SV2C: variants seen among roughly 807,000 people sequenced by gnomAD.
SV2C encodes the protein synaptic vesicle glycoprotein 2C, also known as solute carrier family 22 member B3.
SV2C carries 49 observed loss-of-function variants against 79.7 expected under a neutral mutation model. The ratio of observed to expected loss-of-function variants is 0.61; its 90% CI spans 0.49 to 0.78. The LOEUF (loss-of-function observed/expected upper bound fraction) is 0.78. Ranked by LOEUF, SV2C falls within the 30% of genes least tolerant of loss-of-function variation. SV2C has a pLI of 0.00. For synonymous variants in SV2C, 334 were observed against 333.2 expected (o/e 1.00, Z -0.03); for missense variants, 833 against 912.9 (o/e 0.91, Z 1.13).
At chr5:76,160,952 A>G (rs1742881484) in intron 2 of SV2C, among the ~76,000 whole-genome samples, 1 of 71,928 alleles carries the variant, frequency 1.4e-5, no homozygotes, top group Admixed American at 1.5e-4. Context: ...TGGTGTGACC[A>G]CTTTGGAAAA....
At chr5:76,030,521 G>C in the SV2C span, among the ~76,000 whole-genome samples, 1 of 151,986 alleles carries the variant, frequency 6.6e-6, no homozygotes, top group African/African-American at 2.4e-5. Flanking sequence ...ATAGAAGTAA[G>C]TAATGCTGAT....
At chr5:76,197,264 T>C (rs1425612601) in intron 3 of SV2C, among the ~76,000 whole-genome samples, 1 of 152,218 alleles carries the variant, frequency 6.6e-6, no homozygotes, top group East Asian at 1.9e-4. Context: ...TGGCATTTCT[T>C]ATCTCCTTTG....
chr5:76,143,391 G>A (rs934182118), intron 2 of SV2C, among the ~76,000 whole-genome samples: 4 of 152,140 alleles, frequency 2.6e-5, no homozygotes, highest in South Asian at 2.1e-4. Flanking sequence ...ATTCTCCCAC[G>A]TCCAACTCTA....
the SV2C span, among the ~76,000 whole-genome samples, chr5:76,020,647 A>C: frequency 6.6e-6 from 1 of 152,082 alleles, no homozygotes; most frequent in Non-Finnish European, 1.5e-5. Flanking sequence ...TTGGAGTGTG[A>C]CTACGAAACA....
intron 2 of SV2C, among the ~76,000 whole-genome samples, chr5:76,193,181 C>T (rs1437313568): frequency 1.3e-5 from 2 of 152,186 alleles, no homozygotes; most frequent in Non-Finnish European, 2.9e-5. Context: ...CATGAGTTTA[C>T]ACTTTGTTCT....
intron 4 of SV2C, among the ~76,000 whole-genome samples, chr5:76,269,230 A>G (rs966881564): frequency 6.6e-6 from 1 of 152,242 alleles, no homozygotes; most frequent in Admixed American, 6.5e-5. Flanking sequence ...GGTCATAACA[A>G]TTAAAAATGT....
chr5:75,857,491 A>G, the SV2C span, among the ~76,000 whole-genome samples: 5 of 152,130 alleles, frequency 3.3e-5, no homozygotes, highest in East Asian at 5.8e-4. Context: ...TGCAATTACC[A>G]TGTTGTTTTG....
chr5:76,051,687 A>G, the SV2C span, among the ~76,000 whole-genome samples: 3 of 152,226 alleles, frequency 2.0e-5, no homozygotes, highest in East Asian at 5.8e-4. Flanking sequence ...ACTTTCATAA[A>G]TTCATAAAAA....
rs376182721 is a variant in SV2C, at chr5:76,278,554, G to T, written c.914-6608G>T. Among the ~76,000 whole-genome samples the T allele has an allele frequency of 3.3e-5, 5 of 152,326 alleles. No individual in the cohort carries two copies. The East Asian group carries it at 5.8e-4, about 18-fold the overall frequency. On this transcript the variant is annotated intron_variant, in intron 4 of 12. Coordinates refer to ENST00000502798, the MANE Select transcript of SV2C (RefSeq NM_014979.4). ...CTCACTTCAAAACTCAGAAAGCCTG[G>T]CTAAAATACAACAAACATCCTTTCT... is the stretch of plus-strand genomic sequence containing the variant.
intron 4 of SV2C, among the ~76,000 whole-genome samples, chr5:76,272,804 T>G (rs1055897301): frequency 7.2e-5 from 11 of 152,174 alleles, no homozygotes; most frequent in African/African-American, 2.7e-4. Flanking sequence ...TACTTTTGTT[T>G]GTTTTTCAGT....
At chr5:76,220,617 TA>T (rs5868813) in intron 4 of SV2C, among the ~76,000 whole-genome samples, 19,525 of 127,520 alleles carry the variant, frequency 0.15, 1,920 homozygotes, top group African/African-American at 0.31. Flanking sequence ...GACACTGTCT[TA>T]AAAAAAAAAA....
chr5:75,896,540 T>C, the SV2C span, among the ~76,000 whole-genome samples: 2 of 152,094 alleles, frequency 1.3e-5, no homozygotes, highest in East Asian at 1.9e-4. Flanking sequence ...GCATGTGTCT[T>C]TACAACAGCA....
the SV2C span, among the ~76,000 whole-genome samples, chr5:75,859,619 C>T: frequency 6.6e-6 from 1 of 152,102 alleles, no homozygotes; most frequent in Admixed American, 6.5e-5. Flanking sequence ...AGAAAAGTCT[C>T]CTTATTGCCT....
chr5:76,017,542 G>A, the SV2C span, among the ~76,000 whole-genome samples: 5 of 152,126 alleles, frequency 3.3e-5, no homozygotes, highest in African/African-American at 1.2e-4. Context: ...GCCTCCCAAA[G>A]TGCTGGGATT....
chr5:75,873,936 C>G, the SV2C span, among the ~76,000 whole-genome samples: 1 of 151,940 alleles, frequency 6.6e-6, no homozygotes, highest in African/African-American at 2.4e-5. Context: ...CAAAAAAAGC[C>G]CGAGACCTGA....
chr5:76,292,836 A>ATG (rs1201408225), intron 8 of SV2C, among the ~76,000 whole-genome samples: 1 of 152,232 alleles, frequency 6.6e-6, no homozygotes, highest in Non-Finnish European at 1.5e-5. Flanking sequence ...TCACTTTAGA[A>ATG]TGTGTGTGTA....
At chr5:75,876,976 A>G in the SV2C span, among the ~76,000 whole-genome samples, 1,513 of 152,250 alleles carry the variant, frequency 9.9e-3, 22 homozygotes, top group African/African-American at 0.035. Context: ...TGAATGGATT[A>G]TATCACCCAA....
the SV2C span, among the ~76,000 whole-genome samples, chr5:75,969,275 C>A: frequency 6.6e-5 from 10 of 152,092 alleles, no homozygotes; most frequent in Non-Finnish European, 1.3e-4. Flanking sequence ...AACTAATGAG[C>A]AAAATAACTG....
chr5:75,883,404 C>T, the SV2C span, among the ~76,000 whole-genome samples: 8,271 of 126,364 alleles, frequency 0.065, 777 homozygotes, highest in African/African-American at 0.21. Context: ...ATGTTTATTG[C>T]GGCATTATTC....
Sources: allele counts gnomAD v4.1 joint callset (sites outside exome capture counted in the v4.1 genomes callset), GRCh38; gene constraint gnomAD v4.1.1; transcripts MANE v1.5; gene names NCBI Gene and HGNC (gene_info 2026-07-23, HGNC 2026-07-21).